Variants in TNIK observed in about 807,000 individuals in gnomAD.
The protein encoded by TNIK is TRAF2 and NCK interacting kinase.
Under a neutral mutation model 191.3 loss-of-function variants are expected in TNIK, and 49 were observed. The observed-to-expected ratio is 0.26, with a 90% CI of 0.20 to 0.32. TNIK has a LOEUF of 0.32. Ranked by LOEUF, TNIK falls within the 10% of genes least tolerant of loss-of-function variation. The pLI is 1.00. For missense variants in TNIK, 1,155 were observed against 1,702.3 expected, an observed-to-expected ratio of 0.68 and a Z score of 5.66; for synonymous variants, 594 against 600.9, an observed-to-expected ratio of 0.99 and a Z score of 0.17.
At chr3:171,318,976 T>A (rs1464338740) in intron 2 of TNIK, among the ~76,000 whole-genome samples, 1 of 151,922 alleles carries the variant, frequency 6.6e-6, no homozygotes, top group Non-Finnish European at 1.5e-5. Context: ...ACCAGCCTGG[T>A]CAAAATAGCA....
intron 2 of TNIK, among the ~76,000 whole-genome samples, chr3:171,344,991 T>C: frequency 6.6e-6 from 1 of 152,126 alleles, no homozygotes; most frequent in South Asian, 2.1e-4. Context: ...TTACCCTAAA[T>C]TGATGTTCCC....
At chr3:171,151,235 A>G (rs1732396341) in intron 12 of TNIK, among the ~76,000 whole-genome samples, 1 of 152,228 alleles carries the variant, frequency 6.6e-6, no homozygotes, top group Non-Finnish European at 1.5e-5. Context: ...CCTCTACACG[A>G]ACCTAAAGCT....
In TNIK at chr3:171,138,317, C is replaced by A. The variant is rs777485935; in HGVS notation, c.1482G>T (p.Lys494Asn). 5.6e-6 allele frequency: 9 copies of A among 1,613,030 alleles called. No homozygotes were observed. In the South Asian group the frequency reaches 8.8e-5, roughly 16 times the overall value. ...GGGAAACTAAGTAGTCTCTTTCTTG[C>A]TTTAGCTGCCTCTGCAGTCTTTCTG... is the stretch of plus-strand genomic sequence containing the variant. Reference protein sequence around the residue: ...RQAERLQRQLKQERDYLVSLQ... With the variant: ...RQAERLQRQLNQERDYLVSLQ... The change falls in exon 15 of 33, where the codon AAG becomes AAT. Residue 494 changes from lysine (K) to asparagine (N), a missense_variant. By Grantham distance (94) the Lys-to-Asn change is moderately conservative (BLOSUM62 0). Transcript: ENST00000436636.
Position 171,211,257 on chromosome 3 carries a change from AT to A in TNIK, c.181-17del. Reference sequence around the variant, plus strand: ...CCTCTTCATCCTGTATGAGAACAATATAAAAATTCTGTCATGAAAATCTATG... The same window carrying A: ...CCTCTTCATCCTGTATGAGAACAATAAAAAATTCTGTCATGAAAATCTATG... On this transcript the variant is annotated splice_polypyrimidine_tract_variant and intron_variant, in intron 3 of 32. Coordinates refer to ENST00000436636, the MANE Select transcript of TNIK (RefSeq NM_015028.4). 1 of 1,578,956 alleles carries A rather than the reference AT, an allele frequency of 6.3e-7. No individual in the cohort carries two copies. The highest frequency in any genetic ancestry group is 8.6e-7 in the Non-Finnish European group (1 of 1,161,492).
chr3:171,184,442 G>A (rs909688390), intron 7 of TNIK, among the ~76,000 whole-genome samples: 40 of 152,326 alleles, frequency 2.6e-4, no homozygotes, highest in Middle Eastern at 3.4e-3. Flanking sequence ...AGCATGTTGC[G>A]TGGAGGAGGT....
At chr3:171,309,174 GAAA>G (rs10535735) in intron 2 of TNIK, among the ~76,000 whole-genome samples, 2 of 150,784 alleles carry the variant, frequency 1.3e-5, no homozygotes, top group African/African-American at 2.4e-5. Context: ...TGGTAGACTG[GAAA>G]AAAAAAATGT....
intron 2 of TNIK, among the ~76,000 whole-genome samples, chr3:171,318,148 C>T (rs930938218): frequency 2.0e-5 from 3 of 152,144 alleles, no homozygotes; most frequent in African/African-American, 7.2e-5. Context: ...GAAGGAGAGT[C>T]ATACTATATA....
At chr3:171,093,238 A>G (rs1322567601) in intron 23 of TNIK, among the ~76,000 whole-genome samples, 1 of 152,244 alleles carries the variant, frequency 6.6e-6, no homozygotes, top group Non-Finnish European at 1.5e-5. Flanking sequence ...AGAAGGACAG[A>G]TGAAAGGGAA....
chr3:171,218,527 G>C (rs999690607), intron 3 of TNIK, among the ~76,000 whole-genome samples: 1 of 138,722 alleles, frequency 7.2e-6, no homozygotes, highest in Non-Finnish European at 1.6e-5. Flanking sequence ...ATTGGAATGA[G>C]TTTTTTTTTT....
Position 171,460,275 on chromosome 3 carries a change from T to G in TNIK, c.-212A>C. 1 of 625,618 alleles carries G rather than the reference T, an allele frequency of 1.6e-6. No homozygotes were observed. The highest frequency in any genetic ancestry group is 2.8e-6 in the Non-Finnish European group (1 of 361,232). 38.8% of individuals were successfully genotyped at this position (625,618 alleles called of 1,614,324 possible). A position where few individuals can be genotyped will look rare whatever the true frequency, so the allele number is the denominator to read the frequency against. ...TCCGGGAGCCCAGCCTGCGCGGATC[T>G]CCAAGCCCCGAGCAGCGGTGCGTGT... is the stretch of plus-strand genomic sequence containing the variant. On this transcript the variant is annotated 5_prime_UTR_variant, in exon 1 of 33. Coordinates refer to ENST00000436636, the MANE Select transcript of TNIK (RefSeq NM_015028.4). The surrounding 1 kb of genome is among the most constrained non-coding windows in gnomAD (Gnocchi z 6.8).
intron 1 of TNIK, among the ~76,000 whole-genome samples, chr3:171,421,221 T>C (rs1207242541): frequency 6.6e-6 from 1 of 152,192 alleles, no homozygotes; most frequent in African/African-American, 2.4e-5. Context: ...TTTAATAAAC[T>C]GGCACAATGT....
At position 171,365,161 on chromosome 3, in the gene TNIK, C is replaced by CTTTTTTTTTTTTTTTTTTTTT. The variant is rs60887361; in HGVS notation, c.123+4438_123+4458dup. Among the ~76,000 whole-genome samples the CTTTTTTTTTTTTTTTTTTTTT allele has an allele frequency of 1.6e-3, 52 of 31,934 alleles. 15 individuals carry two copies. The highest frequency in any genetic ancestry group is 2.8e-3 in the Non-Finnish European group (43 of 15,444). 20.9% of individuals were successfully genotyped at this position (31,934 alleles called of 152,430 possible). On this transcript the variant is annotated intron_variant, in intron 2 of 32. Coordinates refer to ENST00000436636, the MANE Select transcript of TNIK (RefSeq NM_015028.4). ...AAGGACTACACAAAAGGACTACATT[C>CTTTTTTTTTTTTTTTTTTTTT]TTTTTTTTTTTTTTTTTTTTTTTTT...
chr3:171,301,060 A>G (rs1388824520), intron 2 of TNIK, among the ~76,000 whole-genome samples: 1 of 152,170 alleles, frequency 6.6e-6, no homozygotes, highest in African/African-American at 2.4e-5. Context: ...CTAATTACAA[A>G]AAAGCAAAGG....
intron 2 of TNIK, among the ~76,000 whole-genome samples, chr3:171,299,592 T>C (rs986300364): frequency 6.6e-6 from 1 of 152,208 alleles, no homozygotes; most frequent in African/African-American, 2.4e-5. Context: ...TGATGGGATA[T>C]CTTTCTTTTG....
intron 1 of TNIK, among the ~76,000 whole-genome samples, chr3:171,450,030 C>T (rs1051045299): frequency 2.0e-5 from 3 of 152,014 alleles, no homozygotes; most frequent in Admixed American, 6.5e-5. Flanking sequence ...AGTGAGACTC[C>T]GTCTCAAACA....
chr3:171,380,356 G>A (rs1274088156), intron 1 of TNIK, among the ~76,000 whole-genome samples: 1 of 152,164 alleles, frequency 6.6e-6, no homozygotes, highest in Non-Finnish European at 1.5e-5. Flanking sequence ...AGCAACTGCA[G>A]GAGATGGATT....
In TNIK at chr3:171,167,210, T is replaced by C. The variant is rs1734727286; in HGVS notation, c.834A>G (p.Pro278=). 1.9e-6 allele frequency: 3 copies of C among 1,614,032 alleles called. No individual in the cohort carries two copies. The highest frequency in any genetic ancestry group is 2.5e-6 in the Non-Finnish European group (3 of 1,179,898). Residue 278 remains proline (P), a synonymous_variant, in exon 10 of 33, where the codon CCA becomes CCG. Transcript: ENST00000436636. ...GATGCTTCATCAATTGTTCTGTTGC[T>C]GGTCGCTGGCTGTGATTCTTTACCA... ...SCLVKNHSQR[P]ATEQLMKHPF... is the part of the protein sequence containing the mutation.
At chr3:171,424,881 T>C (rs1724338844) in intron 1 of TNIK, among the ~76,000 whole-genome samples, 1 of 150,926 alleles carries the variant, frequency 6.6e-6, no homozygotes, top group Non-Finnish European at 1.5e-5. Flanking sequence ...ACACCTAATG[T>C]TAAATGACAA....
At chr3:171,232,601 A>G (rs1235133302) in intron 2 of TNIK, among the ~76,000 whole-genome samples, 1 of 152,202 alleles carries the variant, frequency 6.6e-6, no homozygotes, top group Middle Eastern at 3.2e-3. Flanking sequence ...ATAGGACCCC[A>G]AGCCTAATGT....
Sources: allele counts gnomAD v4.1 joint callset (sites outside exome capture counted in the v4.1 genomes callset), GRCh38; gene constraint gnomAD v4.1.1; non-coding constraint Gnocchi (gnomAD v3.1); transcripts MANE v1.5; gene names NCBI Gene and HGNC (gene_info 2026-07-23, HGNC 2026-07-21).